HPS1: variants seen among roughly 807,000 people sequenced by gnomAD.
The protein encoded by HPS1 is BLOC-3 complex member HPS1.
A neutral mutation model predicts 90.6 loss-of-function variants in HPS1; 59 were observed. The observed-to-expected ratio is 0.65, with a 90% CI of 0.53 to 0.81. The LOEUF is 0.81. Ranked by LOEUF, HPS1 falls within the 30% of genes least tolerant of loss-of-function variation. HPS1 has a pLI of 0.00. For missense variants in HPS1, 849 were observed against 896.7 expected (o/e 0.95, Z 0.68); for synonymous variants, 388 against 384.4 (o/e 1.01, Z -0.11).
chr10:98,415,804 G>A (rs896590821), downstream of HPS1, among the ~76,000 whole-genome samples: 2 of 152,334 alleles, frequency 1.3e-5, no homozygotes, highest in East Asian at 3.9e-4. Flanking sequence ...GGGCAAGTTC[G>A]CTGTCTGTAA....
At chr10:98,446,528 G>A (rs1302653049) in intron 1 of HPS1, among the ~76,000 whole-genome samples, 1 of 152,168 alleles carries the variant, frequency 6.6e-6, no homozygotes, top group Non-Finnish European at 1.5e-5. Context: ...GCCCGGCCCT[G>A]CCCCTGAGTC....
At chr10:98,437,891 T>A (rs1328282195) in intron 3 of HPS1, among the ~76,000 whole-genome samples, 1 of 152,190 alleles carries the variant, frequency 6.6e-6, no homozygotes, top group Admixed American at 6.5e-5. Flanking sequence ...CTGGTGGAGA[T>A]AACTGAATCA....
rs1230557352 is a variant in HPS1 at position 98,430,621 on chromosome 10, G to C, written c.718C>G (p.Leu240Val). 5.8e-6 allele frequency: 9 copies of C among 1,556,276 alleles called. No homozygotes were observed. The East Asian group carries it at 1.9e-4, about 33-fold the overall frequency. The change falls in exon 8 of 20, where the codon CTG becomes GTG. Residue 240 changes from leucine (L) to valine (V), a missense_variant. Physicochemically the swap from Leu to Val is conservative, Grantham distance 32. Coordinates refer to ENST00000361490, the MANE Select transcript of HPS1 (RefSeq NM_000195.5). ...RPADLLALIL[L>V]VQDLYPSEST... ...TCGCTGGGGTAGAGGTCCTGAACCA[G>C]GAGGATGAGGGCAAGCAGGTCGGCC... is the stretch of plus-strand genomic sequence containing the variant.
intron 10 of HPS1, among the ~76,000 whole-genome samples, chr10:98,428,625 C>T (rs1203806841): frequency 6.6e-6 from 1 of 151,974 alleles, no homozygotes; most frequent in Non-Finnish European, 1.5e-5. Flanking sequence ...AATCCTAGTC[C>T]CCAGTAGGTT....
chr10:98,433,086 G>A (rs1371629164), intron 6 of HPS1, among the ~76,000 whole-genome samples: 1 of 152,058 alleles, frequency 6.6e-6, no homozygotes, highest in East Asian at 1.9e-4. Flanking sequence ...ACAAAAATTA[G>A]CCAGGCGTGG....
In HPS1 at chr10:98,427,233, G is replaced by A. The variant is rs1368772572; in HGVS notation, c.969C>T (p.Pro323=). Residue 323 remains proline (P), a synonymous_variant, in exon 11 of 20, where the codon CCC becomes CCT. Transcript: ENST00000361490. ...AACTCACCTGAAGGGCATCCATGGG[G>A]GGGGTGCCCCCCTCCAGCCAGATGG... The part of the protein sequence containing the change: ...GSTIWLEGGT[P]PMDALQIAED... 3.2e-6 allele frequency: 5 copies of A among 1,551,374 alleles called. No individual in the cohort carries two copies. Among genetic ancestry groups the A allele is most frequent in the Non-Finnish European group, 4.4e-6 (5 of 1,146,846 alleles).
rs1229539026 is a variant in HPS1 at position 98,419,929 on chromosome 10, G to A, written c.1857+116C>T. The A allele has an allele frequency of 7.3e-6, 6 of 819,448 alleles. No individual in the cohort carries two copies. The African/African-American group carries it at 1.0e-4, about 14-fold the overall frequency. 50.8% of individuals were successfully genotyped at this position (819,448 alleles called of 1,614,324 possible). ...GGCTCCCAACCTGCTGGGCTTACCA[G>A]CAACAAGAAGAGAAGATGAGACAGA... On this transcript the variant is annotated intron_variant, in intron 18 of 19. Coordinates refer to ENST00000361490, the MANE Select transcript of HPS1 (RefSeq NM_000195.5).
rs1044298783 is a variant in HPS1, at chr10:98,424,167, C to T, written c.1397+146G>A. 1.6e-5 allele frequency: 12 copies of T among 755,170 alleles called. No homozygotes were observed. In the East Asian group the frequency reaches 2.1e-4, roughly 13 times the overall value. The allele number at this position is 755,170 out of a possible 1,614,324, so 46.8% of individuals were successfully genotyped here. A position where few individuals can be genotyped will look rare whatever the true frequency, so the allele number is the denominator to read the frequency against. On this transcript the variant is annotated intron_variant, in intron 14 of 19. Transcript: ENST00000361490. ...GAAGGAGCTTCCCAGCTTCTCCACGCGGTGCTCCACGTATGTGGGAAGAAA... is the reference window on the plus strand; with the variant it reads ...GAAGGAGCTTCCCAGCTTCTCCACGTGGTGCTCCACGTATGTGGGAAGAAA...
intron 3 of HPS1, among the ~76,000 whole-genome samples, chr10:98,437,866 C>A (rs1444031608): frequency 1.3e-5 from 2 of 152,190 alleles, no homozygotes; most frequent in Non-Finnish European, 2.9e-5. Flanking sequence ...ATAATCCCCA[C>A]GTGTCAAGGG....
chr10:98,443,667 C>A (rs1208218179), intron 2 of HPS1, among the ~76,000 whole-genome samples: 4 of 152,202 alleles, frequency 2.6e-5, no homozygotes, highest in Non-Finnish European at 5.9e-5. Context: ...CCAGTTAGTG[C>A]CTGGTGTGGA....
In HPS1 at chr10:98,425,724, A is replaced by C; in HGVS notation, c.1156-4T>G. The stretch of plus-strand genomic sequence containing the variant: ...GGGCCAGGGGCGCGCTGGGGCTCTG[A>C]GGGTAAGGGCCGAGAGGCGGGTGAA... On this transcript the variant is annotated splice_polypyrimidine_tract_variant and splice_region_variant and intron_variant, in intron 12 of 19. Transcript: ENST00000361490. 6.2e-7 allele frequency: 1 copy of C among 1,608,018 alleles called. No homozygotes were observed. Among genetic ancestry groups the C allele is most frequent in the Non-Finnish European group, 8.5e-7 (1 of 1,176,244 alleles).
intron 14 of HPS1, 34 bp downstream of exon 14, chr10:98,424,279 C>T (rs753249739): frequency 6.4e-6 from 10 of 1,556,800 alleles, no homozygotes; most frequent in Middle Eastern, 1.7e-4. Context: ...CCTGGGCACA[C>T]GACCCACCCC....
intron 3 of HPS1, among the ~76,000 whole-genome samples, chr10:98,437,805 C>CA (rs1467631806): frequency 1.3e-5 from 2 of 152,184 alleles, no homozygotes; most frequent in African/African-American, 4.8e-5. Flanking sequence ...GAGGGGATGA[C>CA]ATGGTTAAGC....
At chr10:98,446,186 C>G (rs1049209931) in intron 1 of HPS1, among the ~76,000 whole-genome samples, 1 of 151,776 alleles carries the variant, frequency 6.6e-6, no homozygotes, top group Non-Finnish European at 1.5e-5. Context: ...ACTGCTGTTA[C>G]GAGTTCGGCC....
chr10:98,419,141 A>T (rs1322570682), intron 18 of HPS1, among the ~76,000 whole-genome samples: 1 of 151,690 alleles, frequency 6.6e-6, no homozygotes, highest in African/African-American at 2.4e-5. Context: ...AACTGAGAGA[A>T]CAGTGGTGGA....
chr10:98,437,283 G>T (rs1278871343), intron 3 of HPS1, among the ~76,000 whole-genome samples: 1 of 152,062 alleles, frequency 6.6e-6, no homozygotes, highest in Admixed American at 6.5e-5. Flanking sequence ...AGATAGGCGA[G>T]AATTCCATAA....
At chr10:98,443,511 G>A (rs926116466) in intron 2 of HPS1, among the ~76,000 whole-genome samples, 1 of 152,174 alleles carries the variant, frequency 6.6e-6, no homozygotes, top group Non-Finnish European at 1.5e-5. Flanking sequence ...CCAAGGCTGG[G>A]GCCCTTTCCT....
chr10:98,433,831 A>T (rs1846885080), intron 6 of HPS1, 152 bp downstream of exon 6: 1 of 1,118,922 alleles, frequency 8.9e-7, no homozygotes, highest in African/African-American at 1.5e-5. Context: ...CCAACCCTCC[A>T]TATGGCCAGA....
chr10:98,422,161 GC>G (rs1844965102), intron 17 of HPS1, among the ~76,000 whole-genome samples: 1 of 152,216 alleles, frequency 6.6e-6, no homozygotes, highest in Non-Finnish European at 1.5e-5. Context: ...AAATTCTGAT[GC>G]CCAACTGATG....
Sources: allele counts gnomAD v4.1 joint callset (sites outside exome capture counted in the v4.1 genomes callset), GRCh38; gene constraint gnomAD v4.1.1; transcripts MANE v1.5; gene names NCBI Gene and HGNC (gene_info 2026-07-23, HGNC 2026-07-21).